Variants in TAF4 observed in about 807,000 individuals in gnomAD.
TAF4 encodes the protein transcription initiation factor TFIID subunit 4.
A neutral mutation model predicts 90.3 loss-of-function variants in TAF4; 9 were observed. The observed-to-expected ratio is 0.10, with a 90% CI of 0.06 to 0.17. TAF4 has a LOEUF of 0.17. Ranked by LOEUF, TAF4 falls within the 10% of genes least tolerant of loss-of-function variation. The pLI, the probability that TAF4 is intolerant of heterozygous loss-of-function variation, is 1.00. For synonymous variants in TAF4, 818 were observed against 638.9 expected, an observed-to-expected ratio of 1.28 and a Z score of -4.23; for missense variants, 1,351 against 1,370.7, an observed-to-expected ratio of 0.99 and a Z score of 0.23.
At chr20:61,976,589 G>A (rs1177015321) in intron 14 of TAF4, among the ~76,000 whole-genome samples, 1 of 152,238 alleles carries the variant, frequency 6.6e-6, no homozygotes, top group South Asian at 2.1e-4. Context: ...ACAGTGCTTG[G>A]ACCTGGTCCT....
intron 1 of TAF4, among the ~76,000 whole-genome samples, chr20:62,032,868 CT>C (rs1222806446): frequency 6.6e-6 from 1 of 152,210 alleles, no homozygotes; most frequent in East Asian, 1.9e-4. Flanking sequence ...CCTCCTAGAG[CT>C]TCCGATCAAT....
At chr20:61,989,874 G>A (rs1194129479) in intron 14 of TAF4, among the ~76,000 whole-genome samples, 3 of 152,234 alleles carry the variant, frequency 2.0e-5, no homozygotes, top group South Asian at 2.1e-4. Context: ...GTAACAGAAG[G>A]GGTGCCTGAA....
At chr20:61,991,423 C>CA (rs2055630651) in intron 14 of TAF4, among the ~76,000 whole-genome samples, 1 of 146,640 alleles carries the variant, frequency 6.8e-6, no homozygotes, top group South Asian at 2.2e-4. Flanking sequence ...GACTCTGTCT[C>CA]AAAAAATAAA....
intron 9 of TAF4, 67 bp from the exon 10 acceptor site, chr20:62,000,788 T>A (rs1238548023): frequency 1.3e-6 from 2 of 1,578,402 alleles, no homozygotes; most frequent in Non-Finnish European, 1.7e-6. Context: ...GCTGGGGTGG[T>A]AAGGGCAGGA....
rs1351505591 is a variant in TAF4, at chr20:62,064,921, ACGGCGGGCG to A, written c.881_889del (p.Ala294_Ala296del). ...GTTCTGGGCGGCGGCGGGGGGCGGC[ACGGCGGGCG>A]CGGCGGTCGGGGGTCCGGCGGGGTG... On this transcript the variant is annotated inframe_deletion, in exon 1 of 15. Transcript: ENST00000252996. The A allele has an allele frequency of 1.7e-5, 10 of 597,858 alleles. No individual in the cohort carries two copies. The highest frequency in any genetic ancestry group is 3.6e-4 in the East Asian group (2 of 5,520). The allele number at this position is 597,858 out of a possible 1,614,324, so 37.0% of individuals were successfully genotyped here. A position where few individuals can be genotyped will look rare whatever the true frequency, so the allele number is the denominator to read the frequency against.
Position 61,984,444 on chromosome 20 carries a change from C to T in TAF4, c.3091-8109G>A, listed in dbSNP as rs114541762. 1.4e-3 allele frequency among the ~76,000 whole-genome samples: 217 copies of T among 152,246 alleles called. 2 individuals carry two copies. The highest frequency in any genetic ancestry group is 5.0e-3 in the African/African-American group (208 of 41,500). On this transcript the variant is annotated intron_variant, in intron 14 of 14. Transcript: ENST00000252996. ...ACAGCACGAAGACACACGTACAAGG[C>T]GACTCTTGATGGCATCACCTGTCAC...
chr20:62,017,449 T>C (rs1023098799), intron 1 of TAF4, among the ~76,000 whole-genome samples: 2 of 147,490 alleles, frequency 1.4e-5, no homozygotes, highest in Non-Finnish European at 3.0e-5. Flanking sequence ...CCATCCTGGC[T>C]AACACGGTGA....
intron 1 of TAF4, among the ~76,000 whole-genome samples, chr20:62,028,264 C>T (rs2145490713): frequency 6.6e-6 from 1 of 152,172 alleles, no homozygotes; most frequent in South Asian, 2.1e-4. Flanking sequence ...AACATACCCC[C>T]CAAAAAAATG....
rs1292356370 is a variant in TAF4 at position 62,065,112 on chromosome 20, GGCGGCGGGCTTGGGCAGCGGCAGCAGC to G, written c.672_698del (p.Leu225_Ala233del). 2.7e-6 allele frequency: 3 copies of G among 1,122,064 alleles called. No individual in the cohort carries two copies. The highest frequency in any genetic ancestry group is 2.2e-6 in the Non-Finnish European group (2 of 901,110). The allele number at this position is 1,122,064 out of a possible 1,614,324, so 69.5% of individuals were successfully genotyped here. A position where few individuals can be genotyped will look rare whatever the true frequency, so the allele number is the denominator to read the frequency against. The stretch of plus-strand genomic sequence containing the variant: ...GGGGCGTCTGGATGACAGTGCCGGG[GGCGGCGGGCTTGGGCAGCGGCAGCAGC>G]GCGGCGGGCCCGTTGTTGACCAGGC... On this transcript the variant is annotated inframe_deletion, in exon 1 of 15. Transcript: ENST00000252996.
At chr20:61,982,152 CACCAA>C (rs2055548538) in intron 14 of TAF4, among the ~76,000 whole-genome samples, 1 of 122,644 alleles carries the variant, frequency 8.2e-6, no homozygotes. Context: ...CTAGAAGAGA[CACCAA>C]ACTCACACCC....
At chr20:62,004,959 T>C (rs1209862111) in intron 7 of TAF4, 2 of 152,336 alleles carry the variant, frequency 1.3e-5, no homozygotes, top group Admixed American at 1.3e-4. Flanking sequence ...CCATAAGGCC[T>C]GGCCTCAAAC....
chr20:62,044,851 C>G (rs6089624), intron 1 of TAF4, among the ~76,000 whole-genome samples: 105,474 of 152,060 alleles, frequency 0.69, 36,758 homozygotes, highest in Middle Eastern at 0.78. Flanking sequence ...AAGGCTCCTC[C>G]GGGAAGAGAC....
chr20:62,051,605 A>G (rs997539986), intron 1 of TAF4, among the ~76,000 whole-genome samples: 1 of 151,836 alleles, frequency 6.6e-6, no homozygotes, highest in Non-Finnish European at 1.5e-5. Flanking sequence ...CCCACCACCA[A>G]GAGCCCTGAT....
chr20:62,045,839 G>A (rs892422395), intron 1 of TAF4, among the ~76,000 whole-genome samples: 1 of 152,194 alleles, frequency 6.6e-6, no homozygotes, highest in African/African-American at 2.4e-5. Flanking sequence ...CTGACGCTCG[G>A]GGTACAGACA....
intron 1 of TAF4, among the ~76,000 whole-genome samples, chr20:62,049,441 T>C (rs1288219027): frequency 6.6e-6 from 1 of 152,178 alleles, no homozygotes. Flanking sequence ...TCTGATTCTG[T>C]CTCCAGTGTG....
At chr20:61,998,258 T>C (rs1228946313) in intron 12 of TAF4, 66 bp from the exon 13 acceptor site, 6 of 1,521,354 alleles carry the variant, frequency 3.9e-6, no homozygotes, top group Non-Finnish European at 5.4e-6. Context: ...TTAACAAATG[T>C]GTTATCTTAT....
Position 62,064,666 on chromosome 20 carries a change from G to T in TAF4, c.1145C>A (p.Ala382Glu). ...CGGGACGGCGGCCGGGCTGGGCAGC[G>T]CCCCTTGCATAGTTGGCCCGATGAC... ...SMVIGPTMQG[A>E]LPSPAAVPPP... is the part of the protein sequence containing the mutation. Residue 382 changes from alanine (A) to glutamate (E), a missense_variant, in exon 1 of 15, where the codon GCG becomes GAG. Physicochemically the swap from Ala to Glu is moderately radical, Grantham distance 107. Around this residue, in one of 9 missense-constraint regions of TAF4, gnomAD observed 782 missense variants for 536.6 expected, o/e 1.46. Transcript: ENST00000252996. The T allele has an allele frequency of 2.3e-6, 3 of 1,300,636 alleles. No individual in the cohort carries two copies. Among genetic ancestry groups the T allele is most frequent in the Non-Finnish European group, 2.9e-6 (3 of 1,030,766 alleles). The allele number at this position is 1,300,636 out of a possible 1,614,324, so 80.6% of individuals were successfully genotyped here. A position where few individuals can be genotyped will look rare whatever the true frequency, so the allele number is the denominator to read the frequency against.
At chr20:61,996,781 G>A (rs1438566197) in intron 14 of TAF4, among the ~76,000 whole-genome samples, 1 of 145,232 alleles carries the variant, frequency 6.9e-6, no homozygotes, top group Non-Finnish European at 1.5e-5. Context: ...CCTGGCGACA[G>A]AGCAAGACTG....
At position 61,998,275 on chromosome 20, in the gene TAF4, T is replaced by C. The variant is rs547324179; in HGVS notation, c.2914-83A>G. ...AACAAATGTGTTATCTTATTTACTA[T>C]ACAATAACATCTAGGTAATGTTAAA... is the stretch of plus-strand genomic sequence containing the variant. On this transcript the variant is annotated intron_variant, in intron 12 of 14. Coordinates refer to ENST00000252996, the MANE Select transcript of TAF4 (RefSeq NM_003185.4). 5.6e-5 allele frequency: 78 copies of C among 1,398,046 alleles called. 1 individual carries two copies. In the African/African-American group the frequency reaches 7.5e-4, roughly 13 times the overall value. 86.6% of individuals were successfully genotyped at this position (1,398,046 alleles called of 1,614,324 possible).
Sources: allele counts gnomAD v4.1 joint callset (sites outside exome capture counted in the v4.1 genomes callset), GRCh38; gene constraint gnomAD v4.1.1; regional missense constraint gnomAD v4.1.1; transcripts MANE v1.5; gene names NCBI Gene and HGNC (gene_info 2026-07-23, HGNC 2026-07-21).